Variants in PLXNA4 observed in about 807,000 individuals in gnomAD.
PLXNA4 encodes plexin A4.
PLXNA4 carries 44 observed loss-of-function variants against 191.8 expected under a neutral mutation model. The ratio of observed to expected loss-of-function variants is 0.23; its 90% CI spans 0.18 to 0.29. The LOEUF (loss-of-function observed/expected upper bound fraction) is 0.29. Among genes scored for constraint, PLXNA4 ranks in the 10% least tolerant of loss-of-function variants. The probability of loss-of-function intolerance (pLI) is 1.00; values close to 1 mark genes in which losing one functional copy is unlikely to be tolerated. For synonymous variants in PLXNA4, 1,082 were observed against 1,009.5 expected (o/e 1.07, Z -1.36); for missense variants, 1,800 against 2,488.8 (o/e 0.72, Z 5.89).
intron 3 of PLXNA4, among the ~76,000 whole-genome samples, chr7:132,338,749 T>C (rs1452764822): frequency 6.6e-6 from 1 of 152,156 alleles, no homozygotes; most frequent in Non-Finnish European, 1.5e-5. Flanking sequence ...GATGCAGCAC[T>C]GAATAAAAGA....
At chr7:132,392,054 G>A (rs1441077527) in intron 3 of PLXNA4, among the ~76,000 whole-genome samples, 2 of 152,036 alleles carry the variant, frequency 1.3e-5, no homozygotes, top group Non-Finnish European at 2.9e-5. Context: ...CTCGACCCTG[G>A]GAGGCAGAGG....
At chr7:132,412,305 G>T (rs2117099351) in intron 3 of PLXNA4, among the ~76,000 whole-genome samples, 1 of 152,348 alleles carries the variant, frequency 6.6e-6, no homozygotes, top group African/African-American at 2.4e-5. Context: ...GAATGAAGTT[G>T]CTAGATGAAA....
intron 5 of PLXNA4, among the ~76,000 whole-genome samples, chr7:132,238,108 G>A (rs1798763303): frequency 6.6e-6 from 1 of 152,212 alleles, no homozygotes; most frequent in South Asian, 2.1e-4. Context: ...AGGCCATGGT[G>A]TGCCTTATGG....
intron 2 of PLXNA4, among the ~76,000 whole-genome samples, chr7:132,588,941 A>G (rs918454536): frequency 1.3e-5 from 2 of 152,120 alleles, no homozygotes; most frequent in African/African-American, 2.4e-5. Flanking sequence ...TGACAATAAT[A>G]AAGGTATCTT....
intron 21 of PLXNA4, among the ~76,000 whole-genome samples, chr7:132,169,720 T>A (rs1432992118): frequency 2.0e-5 from 3 of 152,002 alleles, no homozygotes; most frequent in Middle Eastern, 3.2e-3. Flanking sequence ...CCGGGACTCC[T>A]GGGGGACTGG....
intron 4 of PLXNA4, among the ~76,000 whole-genome samples, chr7:132,287,850 T>C (rs530784931): frequency 1.3e-5 from 2 of 152,258 alleles, no homozygotes; most frequent in Non-Finnish European, 2.9e-5. Context: ...TGTGTCAGGC[T>C]ACAACAAAGG....
chr7:132,287,657 C>T (rs1800733159), intron 4 of PLXNA4, among the ~76,000 whole-genome samples: 1 of 152,152 alleles, frequency 6.6e-6, no homozygotes, highest in Non-Finnish European at 1.5e-5. Flanking sequence ...GGTGATCATA[C>T]TCAGATGTCA....
chr7:132,508,597 G>C lies in PLXNA4; in HGVS notation c.97C>G (p.Leu33Val), dbSNP rs1798581872. The C allele has an allele frequency of 6.2e-7, 1 of 1,613,440 alleles. No homozygotes were observed. The highest frequency in any genetic ancestry group is 8.5e-7 in the Non-Finnish European group (1 of 1,179,608). ...STLLTRQPAP[L>V]SQKQRSFVTF... is the part of the protein sequence containing the mutation. ...ACAAATGACCGCTGCTTCTGGGACAGCGGGGCTGGCTGCCGGGTGAGCAAA... is the reference window on the plus strand; with the variant it reads ...ACAAATGACCGCTGCTTCTGGGACACCGGGGCTGGCTGCCGGGTGAGCAAA... The change falls in exon 2 of 32, where the codon CTG becomes GTG. Residue 33 changes from leucine to valine, a missense_variant. This residue lies in a region of PLXNA4 where 1,397 missense variants were observed against 1,880.4 expected (regional missense o/e 0.74). Transcript: ENST00000321063. This position sits in a 1 kb window ranked among gnomAD's most constrained non-coding sequence, Gnocchi z 4.4.
intron 3 of PLXNA4, among the ~76,000 whole-genome samples, chr7:132,363,690 C>A (rs1389181547): frequency 6.6e-6 from 1 of 152,188 alleles, no homozygotes; most frequent in Non-Finnish European, 1.5e-5. Context: ...GCTTTCAATT[C>A]TTTTGGGCAT....
chr7:132,130,593 C>A lies in PLXNA4; in HGVS notation c.5590-19G>T. On this transcript the variant is annotated intron_variant, in intron 31 of 31. Coordinates refer to ENST00000321063, the MANE Select transcript of PLXNA4 (RefSeq NM_020911.2). ...CAAGGATCTGCGGAAGGGCCAAGAA[C>A]AGGGAGATTACTCATTTGTGTGTAC... 2 of 1,613,988 alleles carry A rather than the reference C, an allele frequency of 1.2e-6. No individual in the cohort carries two copies. The highest frequency in any genetic ancestry group is 1.7e-6 in the Non-Finnish European group (2 of 1,179,926).
intron 2 of PLXNA4, among the ~76,000 whole-genome samples, chr7:132,499,596 G>A (rs553413236): frequency 6.6e-6 from 1 of 152,312 alleles, no homozygotes; most frequent in East Asian, 1.9e-4. Flanking sequence ...AGCCACAAGG[G>A]CTGTCATTGA....
intron 1 of PLXNA4, among the ~76,000 whole-genome samples, chr7:132,510,966 G>C (rs1316053741): frequency 6.6e-6 from 1 of 152,162 alleles, no homozygotes; most frequent in Non-Finnish European, 1.5e-5. Flanking sequence ...TGAAATTGTA[G>C]AGGAAAAGAG....
intron 3 of PLXNA4, among the ~76,000 whole-genome samples, chr7:132,323,797 T>C (rs750118714): frequency 5.8e-4 from 89 of 152,314 alleles, no homozygotes; most frequent in Non-Finnish European, 9.1e-4. Context: ...GGTTTGATTT[T>C]TCTCACTGTT....
rs1351375386 is a variant in PLXNA4 at position 132,595,018 on chromosome 7, T to TAGATAGAC, written c.-87+50909_-87+50910insGTCTATCT. On this transcript the variant is annotated intron_variant, in intron 2 of 4. Transcript: ENST00000378539. ...ATAGATAGATAGATAGATAGATAGA[T>TAGATAGAC]AGACAGACAGACAGACAGACAGACA... Among the ~76,000 whole-genome samples, 234 of 31,418 alleles carry TAGATAGAC rather than the reference T, an allele frequency of 7.4e-3. 1 individual carries two copies. Among genetic ancestry groups the TAGATAGAC allele is most frequent in the Non-Finnish European group, 0.021 (180 of 8,626 alleles). The allele number at this position is 31,418 out of a possible 152,430, so 20.6% of individuals were successfully genotyped here. A position where few individuals can be genotyped will look rare whatever the true frequency, so the allele number is the denominator to read the frequency against.
intron 2 of PLXNA4, among the ~76,000 whole-genome samples, chr7:132,507,186 G>A (rs125097): frequency 0.44 from 66,671 of 151,916 alleles, 15,275 homozygotes; most frequent in African/African-American, 0.57. Flanking sequence ...AGCCATGCCC[G>A]GTCCCTACGA....
chr7:132,484,770 G>T, intron 3 of PLXNA4: 3 of 1,610,550 alleles, frequency 1.9e-6, no homozygotes, highest in Non-Finnish European at 8.5e-7. Flanking sequence ...TCTGTGCTAT[G>T]AATATTTATT....
chr7:132,296,117 A>C (rs1801069162), intron 4 of PLXNA4, among the ~76,000 whole-genome samples: 1 of 152,122 alleles, frequency 6.6e-6, no homozygotes. Context: ...TAGGCCTTTG[A>C]GATGGTCATT....
intron 3 of PLXNA4, among the ~76,000 whole-genome samples, chr7:132,317,980 G>A (rs911181254): frequency 2.6e-5 from 4 of 152,222 alleles, no homozygotes; most frequent in African/African-American, 4.8e-5. Flanking sequence ...CTCTGAGAGC[G>A]CAAGAATCTG....
chr7:132,269,879 A>C (rs1437671818), intron 4 of PLXNA4, among the ~76,000 whole-genome samples: 2 of 152,284 alleles, frequency 1.3e-5, no homozygotes, highest in East Asian at 1.9e-4. Flanking sequence ...GGAGTCCTGC[A>C]GAGGGGAGAG....
Sources: gnomAD v4.1 joint callset for allele counts (sites outside exome capture counted in the v4.1 genomes callset) on GRCh38, gnomAD v4.1.1 for gene constraint, gnomAD v4.1.1 regional missense constraint, Gnocchi (gnomAD v3.1) non-coding constraint, MANE v1.5 for transcripts, NCBI Gene and HGNC (gene_info 2026-07-23, HGNC 2026-07-21) for gene names.